The following CDC42BPA variants were observed in gnomAD, a reference collection of about 807,000 sequenced individuals.
CDC42BPA encodes the protein CDC42 binding protein kinase alpha, also known as serine/threonine-protein kinase MRCK alpha.
Under a neutral mutation model 223.5 loss-of-function variants are expected in CDC42BPA, and 80 were observed. The ratio of observed to expected loss-of-function variants is 0.36; its 90% CI spans 0.30 to 0.43. The LOEUF (loss-of-function observed/expected upper bound fraction) is 0.43, where lower values mean the gene tolerates loss of function less well. CDC42BPA is among the 20% of genes least tolerant of loss of function. CDC42BPA has a pLI of 1.00. For synonymous variants in CDC42BPA, 694 were observed against 718.6 expected (o/e 0.97, Z 0.55); for missense variants, 1,743 against 2,099.9 (o/e 0.83, Z 3.32).
intron 6 of CDC42BPA, 45 bp downstream of exon 6, chr1:227,160,498 G>A (rs760263374): frequency 3.4e-5 from 39 of 1,158,312 alleles, no homozygotes; most frequent in Non-Finnish European, 3.9e-6. Context: ...AAATAGCAAG[G>A]GAAATGTCTG....
In CDC42BPA at chr1:227,084,492, C is replaced by T. The variant is rs1681395679; in HGVS notation, c.2356-3475G>A. On this transcript the variant is annotated intron_variant, in intron 16 of 36. Transcript: ENST00000366766. ...GCAACGAGCAGAGATAGTGCCACTG[C>T]ACTCCAGCCTGGGCAGCAGAGTGAG... Among the ~76,000 whole-genome samples the T allele has an allele frequency of 2.7e-5, 4 of 147,968 alleles. No homozygotes were observed. In the South Asian group the frequency reaches 8.5e-4, roughly 31 times the overall value.
In CDC42BPA at chr1:227,312,151, C is replaced by G. The variant is rs1693648751; in HGVS notation, c.178+4854G>C. On this transcript the variant is annotated intron_variant, in intron 1 of 36. Coordinates refer to ENST00000366766, the MANE Select transcript of CDC42BPA (RefSeq NM_001394014.1). The stretch of plus-strand genomic sequence containing the variant: ...TGTACTTTATATTTTCTATTCTAGT[C>G]TTTAATTTTTTTTAAATGCTGGTTA... Among the ~76,000 whole-genome samples the G allele has an allele frequency of 3.3e-5, 5 of 152,062 alleles. No individual in the cohort carries two copies. In the South Asian group the frequency reaches 1.0e-3, roughly 32 times the overall value.
chr1:227,113,487 C>T (rs1687263031), intron 12 of CDC42BPA, among the ~76,000 whole-genome samples: 1 of 152,074 alleles, frequency 6.6e-6, no homozygotes, highest in African/African-American at 2.4e-5. Context: ...GAGCTCACAA[C>T]CACAGATTCC....
rs1678982640 is a variant in CDC42BPA, at chr1:227,074,134, T to TA, written c.2587-123dup. On this transcript the variant is annotated intron_variant, in intron 18 of 36. Coordinates refer to ENST00000366766, the MANE Select transcript of CDC42BPA (RefSeq NM_001394014.1). ...AAGACCCAAACTAATAGTTTTCTCA[T>TA]AAAAAACTCTTTAGTAGGCTCAAAG... 1.2e-5 allele frequency: 16 copies of TA among 1,356,422 alleles called. No homozygotes were observed. In the South Asian group the frequency reaches 1.5e-4, roughly 13 times the overall value. 84.0% of individuals were successfully genotyped at this position (1,356,422 alleles called of 1,614,324 possible).
chr1:227,048,283 C>G (rs1345958500), intron 22 of CDC42BPA, among the ~76,000 whole-genome samples: 2 of 151,674 alleles, frequency 1.3e-5, no homozygotes, highest in Non-Finnish European at 2.9e-5. Context: ...TCAAATGATT[C>G]AAATAAAAAA....
chr1:227,007,904 C>A (rs1335941337), intron 34 of CDC42BPA, among the ~76,000 whole-genome samples: 4 of 152,326 alleles, frequency 2.6e-5, no homozygotes, highest in African/African-American at 9.6e-5. Context: ...TAAACGTCCT[C>A]ATACTTGCCC....
intron 21 of CDC42BPA, among the ~76,000 whole-genome samples, chr1:227,066,772 A>C (rs2149014585): frequency 6.6e-6 from 1 of 152,346 alleles, no homozygotes; most frequent in South Asian, 2.1e-4. Flanking sequence ...TAAGGGCATT[A>C]TTACTGACGG....
intron 1 of CDC42BPA, among the ~76,000 whole-genome samples, chr1:227,261,753 G>T (rs1242497599): frequency 6.6e-6 from 1 of 152,134 alleles, no homozygotes; most frequent in Admixed American, 6.5e-5. Context: ...CTTAACAGAG[G>T]TAGAGGACTG....
At chr1:227,137,066 AT>A (rs1443004020) in intron 10 of CDC42BPA, among the ~76,000 whole-genome samples, 1 of 152,200 alleles carries the variant, frequency 6.6e-6, no homozygotes, top group Non-Finnish European at 1.5e-5. Context: ...TAAAAGATTT[AT>A]AACACAGATT....
chr1:227,042,892 T>C (rs1671673033), intron 23 of CDC42BPA, among the ~76,000 whole-genome samples: 2 of 152,170 alleles, frequency 1.3e-5, no homozygotes, highest in African/African-American at 4.8e-5. Flanking sequence ...AAAGAGTTCT[T>C]TTCTACTCTG....
At chr1:227,290,952 CTGTT>C (rs1294818473) in intron 1 of CDC42BPA, among the ~76,000 whole-genome samples, 2 of 152,140 alleles carry the variant, frequency 1.3e-5, no homozygotes, top group Non-Finnish European at 2.9e-5. Context: ...ATAGGGGAGA[CTGTT>C]TGTTGTCTAG....
chr1:227,218,670 TTA>T (rs1276755587), intron 2 of CDC42BPA, among the ~76,000 whole-genome samples: 1 of 152,164 alleles, frequency 6.6e-6, no homozygotes, highest in Non-Finnish European at 1.5e-5. Flanking sequence ...TACTGAATAG[TTA>T]TATAAGTACT....
At chr1:227,236,724 C>A in intron 2 of CDC42BPA, among the ~76,000 whole-genome samples, 1 of 152,092 alleles carries the variant, frequency 6.6e-6, no homozygotes, top group East Asian at 1.9e-4. Flanking sequence ...CGATCACAAC[C>A]CCCACCTTTC....
At chr1:227,234,940 A>C (rs528183478) in intron 2 of CDC42BPA, 4 of 150,276 alleles carry the variant, frequency 2.7e-5, no homozygotes, top group Admixed American at 2.6e-4. Context: ...CTCATTAGCT[A>C]TCGTTAGTGT....
intron 10 of CDC42BPA, among the ~76,000 whole-genome samples, chr1:227,131,345 T>C (rs1006475010): frequency 4.6e-5 from 7 of 152,166 alleles, no homozygotes; most frequent in African/African-American, 1.2e-4. Flanking sequence ...CCATTCTACA[T>C]TGCAAGTGTT....
At chr1:227,138,638 T>C (rs759096122) in intron 10 of CDC42BPA, among the ~76,000 whole-genome samples, 1 of 150,478 alleles carries the variant, frequency 6.6e-6, no homozygotes, top group African/African-American at 2.4e-5. Flanking sequence ...CAACACAGGA[T>C]AGGGAAATAG....
intron 35 of CDC42BPA, among the ~76,000 whole-genome samples, chr1:227,001,557 C>T (rs1455380175): frequency 4.6e-5 from 7 of 152,166 alleles, no homozygotes; most frequent in South Asian, 2.1e-4. Flanking sequence ...TCCAAAAGTG[C>T]TGAAAACCAA....
chr1:227,112,259 G>A, intron 14 of CDC42BPA, 53 bp downstream of exon 14: 2 of 1,080,018 alleles, frequency 1.9e-6, no homozygotes, highest in Non-Finnish European at 2.7e-6. Flanking sequence ...CTCCTAACAA[G>A]CCTAAAGAGA....
At chr1:227,092,239 C>T (rs1271386231) in intron 15 of CDC42BPA, among the ~76,000 whole-genome samples, 1 of 152,122 alleles carries the variant, frequency 6.6e-6, no homozygotes, top group African/African-American at 2.4e-5. Context: ...TTACTAGGTG[C>T]CAAGGAATTG....
Sources: allele counts gnomAD v4.1 joint callset (sites outside exome capture counted in the v4.1 genomes callset), GRCh38; gene constraint gnomAD v4.1.1; transcripts MANE v1.5; gene names NCBI Gene and HGNC (gene_info 2026-07-23, HGNC 2026-07-21).